Variants in AGBL4 observed in about 807,000 individuals in gnomAD.
AGBL4 encodes the protein cytosolic carboxypeptidase 6.
In AGBL4, 58 loss-of-function variants were observed where a neutral mutation model predicts 66.4. The observed-to-expected ratio is 0.87, with a 90% CI of 0.71 to 1.09. AGBL4 has a LOEUF of 1.09. Ranked by LOEUF, AGBL4 falls within the 50% of genes least tolerant of loss-of-function variation. The pLI, the probability that AGBL4 is intolerant of heterozygous loss-of-function variation, is 0.00. For synonymous variants in AGBL4, 234 were observed against 222.9 expected (o/e 1.05, Z -0.44); for missense variants, 579 against 631.0 (o/e 0.92, Z 0.88).
rs867763235 is a variant in AGBL4, at chr1:49,832,352, T to C, written c.157+19044A>G. Among the ~76,000 whole-genome samples, 508 of 150,764 alleles carry C rather than the reference T, an allele frequency of 3.4e-3. 5 individuals carry two copies. The highest frequency in any genetic ancestry group is 0.012 in the African/African-American group (492 of 41,352). On this transcript the variant is annotated intron_variant, in intron 2 of 13. Coordinates refer to ENST00000371839, the MANE Select transcript of AGBL4 (RefSeq NM_032785.4). ...CATCATTTTTTATGGCTGCATAGTA[T>C]TCCATGGTGTATATGTGCCACATTT...
intron 4 of AGBL4, among the ~76,000 whole-genome samples, chr1:49,239,215 C>T (rs1651026779): frequency 1.3e-5 from 2 of 151,460 alleles, no homozygotes; most frequent in South Asian, 2.1e-4. Context: ...TTTTTAAATG[C>T]CAATTTTTAA....
intron 4 of AGBL4, among the ~76,000 whole-genome samples, chr1:49,194,380 C>T (rs1647184186): frequency 6.6e-6 from 1 of 151,960 alleles, no homozygotes; most frequent in Non-Finnish European, 1.5e-5. Flanking sequence ...TGTTTTTCAC[C>T]CCTATACTTT....
chr1:49,898,693 G>T (rs1268334990), intron 1 of AGBL4, among the ~76,000 whole-genome samples: 1 of 151,990 alleles, frequency 6.6e-6, no homozygotes, highest in African/African-American at 2.4e-5. Context: ...TATTCACCCT[G>T]GGCAAGATTT....
chr1:49,594,547 T>C (rs1237207263), intron 3 of AGBL4, among the ~76,000 whole-genome samples: 1 of 152,158 alleles, frequency 6.6e-6, no homozygotes, highest in Non-Finnish European at 1.5e-5. Flanking sequence ...CCCTGGTGTG[T>C]GATGTTACCC....
intron 4 of AGBL4, among the ~76,000 whole-genome samples, chr1:49,145,971 C>T (rs757605228): frequency 6.6e-5 from 10 of 152,112 alleles, no homozygotes; most frequent in Admixed American, 5.9e-4. Context: ...GGATGGAATT[C>T]GAGGCCATTA....
At chr1:49,514,948 A>T (rs927404335) in intron 3 of AGBL4, among the ~76,000 whole-genome samples, 4 of 152,280 alleles carry the variant, frequency 2.6e-5, no homozygotes, top group African/African-American at 9.6e-5. Flanking sequence ...AAGAAAACCT[A>T]GGCAATACCA....
At chr1:48,822,276 A>G (rs533616084) in intron 6 of AGBL4, among the ~76,000 whole-genome samples, 1 of 152,372 alleles carries the variant, frequency 6.6e-6, no homozygotes, top group East Asian at 1.9e-4. Flanking sequence ...AAAACTGAAA[A>G]CAATTCAAAT....
At chr1:48,673,645 CTGAGAAAACAAACCAATTGTTCT>C (rs1307321397) in intron 6 of AGBL4, among the ~76,000 whole-genome samples, 7,649 of 152,174 alleles carry the variant, frequency 0.05, 669 homozygotes, top group African/African-American at 0.18. Context: ...TTGTTCTGGG[CTGAGAAAACAAACCAATTGTTCT>C]GGGCTGAGAA....
At chr1:48,928,618 C>T (rs986287636) in intron 5 of AGBL4, among the ~76,000 whole-genome samples, 13 of 152,070 alleles carry the variant, frequency 8.5e-5, no homozygotes, top group African/African-American at 3.1e-4. Context: ...ATCCAAAGGA[C>T]TTCACACAAA....
In AGBL4 at chr1:49,334,203, T is replaced by C. The variant is rs142398073; in HGVS notation, c.283-88339A>G. ...GGCATGGCAAGTGCTGTTATTTAAG[T>C]ACGTAGATAAGGAAACTGAAGCATA... On this transcript the variant is annotated intron_variant, in intron 3 of 13. Transcript: ENST00000371839. Among the ~76,000 whole-genome samples the C allele has an allele frequency of 2.7e-5, 4 of 149,172 alleles. No homozygotes were observed. The East Asian group carries it at 7.7e-4, about 29-fold the overall frequency.
chr1:48,802,616 T>G (rs1645835335), intron 6 of AGBL4, among the ~76,000 whole-genome samples: 1 of 152,200 alleles, frequency 6.6e-6, no homozygotes, highest in Admixed American at 6.5e-5. Flanking sequence ...GGGCTTCACA[T>G]GCATAATGTC....
chr1:49,820,359 C>T (rs1645337553), intron 2 of AGBL4, among the ~76,000 whole-genome samples: 1 of 152,322 alleles, frequency 6.6e-6, no homozygotes, highest in South Asian at 2.1e-4. Context: ...AAAACACACA[C>T]TTAACTGCCA....
intron 11 of AGBL4, among the ~76,000 whole-genome samples, chr1:48,566,178 T>C (rs1306938174): frequency 6.6e-6 from 1 of 152,186 alleles, no homozygotes; most frequent in African/African-American, 2.4e-5. Context: ...TCAACTTTAG[T>C]TCCTAAGCCT....
downstream of AGBL4, among the ~76,000 whole-genome samples, chr1:48,530,054 C>G (rs754027108): frequency 2.6e-5 from 4 of 152,144 alleles, no homozygotes; most frequent in Non-Finnish European, 5.9e-5. Flanking sequence ...CTAAATGATG[C>G]CATTGTTTAC....
intron 3 of AGBL4, among the ~76,000 whole-genome samples, chr1:49,250,721 G>C (rs560392744): frequency 6.6e-6 from 1 of 152,096 alleles, no homozygotes; most frequent in East Asian, 1.9e-4. Context: ...GATTACAGGC[G>C]TGAGCCACTG....
intron 3 of AGBL4, among the ~76,000 whole-genome samples, chr1:49,498,972 G>A (rs181608419): frequency 6.6e-6 from 1 of 151,924 alleles, no homozygotes; most frequent in African/African-American, 2.4e-5. Flanking sequence ...ACATTTTGTT[G>A]AAAATTTTTA....
chr1:49,040,445 T>C (rs1223660953), intron 5 of AGBL4, among the ~76,000 whole-genome samples: 1 of 152,066 alleles, frequency 6.6e-6, no homozygotes, highest in Non-Finnish European at 1.5e-5. Context: ...ACATATTTCC[T>C]AATGATTTCA....
At chr1:49,248,325 T>C (rs1651800224) in intron 3 of AGBL4, among the ~76,000 whole-genome samples, 1 of 152,196 alleles carries the variant, frequency 6.6e-6, no homozygotes, top group Non-Finnish European at 1.5e-5. Flanking sequence ...GAATCACTAG[T>C]ATAGCTTTTA....
At chr1:48,928,715 CA>C (rs1654790768) in intron 5 of AGBL4, among the ~76,000 whole-genome samples, 1 of 149,618 alleles carries the variant, frequency 6.7e-6, no homozygotes, top group South Asian at 2.1e-4. Context: ...GACATATAGG[CA>C]TAATAATAGG....
Sources: gnomAD v4.1 joint callset for allele counts (sites outside exome capture counted in the v4.1 genomes callset) on GRCh38, gnomAD v4.1.1 for gene constraint, MANE v1.5 for transcripts, NCBI Gene and HGNC (gene_info 2026-07-23, HGNC 2026-07-21) for gene names.